Variants in UQCRFS1 observed in about 807,000 individuals in gnomAD.
UQCRFS1 encodes the protein cytochrome b-c1 complex subunit Rieske, mitochondrial.
In UQCRFS1, 6 loss-of-function variants were observed where a neutral mutation model predicts 15.6. That is an observed-to-expected ratio of 0.38 (90% CI 0.21 to 0.76). The LOEUF (loss-of-function observed/expected upper bound fraction) is 0.76. Ranked by LOEUF, UQCRFS1 falls within the 30% of genes least tolerant of loss-of-function variation. The probability of loss-of-function intolerance (pLI) is 0.44; values close to 1 mark genes in which losing one functional copy is unlikely to be tolerated. For synonymous variants in UQCRFS1, 105 were observed against 154.3 expected, an observed-to-expected ratio of 0.68 and a Z score of 2.37; for missense variants, 203 against 366.7, an observed-to-expected ratio of 0.55 and a Z score of 3.65.
intron 1 of UQCRFS1, 105 bp from the exon 2 acceptor site, chr19:29,208,263 T>C: frequency 7.0e-7 from 1 of 1,432,362 alleles, no homozygotes; most frequent in Non-Finnish European, 9.2e-7. Context: ...AAAATCAAAT[T>C]CTAAAAATGT....
In UQCRFS1 at chr19:29,205,422, T is replaced by G. The variant is rs1976583760; in HGVS notation, c.*2126A>C. Reference sequence around the variant, plus strand: ...AAAATGAGGGTACTAAAGCACATTTTGATCCAGTCAGGACAAATGCCCTCT... The same window carrying G: ...AAAATGAGGGTACTAAAGCACATTTGGATCCAGTCAGGACAAATGCCCTCT... On this transcript the variant is annotated 3_prime_UTR_variant, in exon 2 of 2. Coordinates refer to ENST00000304863, the MANE Select transcript of UQCRFS1 (RefSeq NM_006003.3). 6.6e-6 allele frequency: 1 copy of G among 152,240 alleles called. No homozygotes were observed. The highest frequency in any genetic ancestry group is 2.1e-4 in the South Asian group (1 of 4,828). The allele number at this position is 152,240 out of a possible 1,614,324, so 9.4% of individuals were successfully genotyped here. A position where few individuals can be genotyped will look rare whatever the true frequency, so the allele number is the denominator to read the frequency against.
chr19:29,212,624 A>T (rs1976668725), intron 1 of UQCRFS1, among the ~76,000 whole-genome samples: 1 of 152,170 alleles, frequency 6.6e-6, no homozygotes, highest in African/African-American at 2.4e-5. Flanking sequence ...AGGTCAAACG[A>T]CCTGCAAGCA....
At chr19:29,210,807 C>T (rs1169060264) in intron 1 of UQCRFS1, among the ~76,000 whole-genome samples, 1 of 152,088 alleles carries the variant, frequency 6.6e-6, no homozygotes, top group Non-Finnish European at 1.5e-5. Flanking sequence ...GTGAATAGTG[C>T]CCCAATAAAC....
intron 1 of UQCRFS1, among the ~76,000 whole-genome samples, chr19:29,209,297 CTT>C (rs1189955541): frequency 6.6e-6 from 1 of 152,136 alleles, no homozygotes; most frequent in Non-Finnish European, 1.5e-5. Context: ...AAAAATTCCT[CTT>C]TTAGAAAATG....
At chr19:29,212,375 GTTTT>G (rs560671922) in intron 1 of UQCRFS1, among the ~76,000 whole-genome samples, 1 of 101,778 alleles carries the variant, frequency 9.8e-6, no homozygotes, top group African/African-American at 2.9e-5. Context: ...CCTTGTGTAT[GTTTT>G]TTTTGTTTTT....
In UQCRFS1 at chr19:29,208,171, C is replaced by G. The variant is rs1568344757; in HGVS notation, c.215-13G>C. 1 of 1,594,442 alleles carries G rather than the reference C, an allele frequency of 6.3e-7. No homozygotes were observed. Among genetic ancestry groups the G allele is most frequent in the Admixed American group, 1.8e-5 (1 of 56,524 alleles). On this transcript the variant is annotated splice_polypyrimidine_tract_variant and intron_variant, in intron 1 of 1. Transcript: ENST00000304863. The stretch of plus-strand genomic sequence containing the variant: ...ACAGAAGCAGGGACTGCAAGACAAA[C>G]AGAAGGTTAAAAAACACAATTAGAT...
intron 1 of UQCRFS1, 78 bp downstream of exon 1, chr19:29,212,827 G>A (rs1976673688): frequency 2.3e-6 from 3 of 1,312,978 alleles, no homozygotes; most frequent in South Asian, 2.0e-5. Flanking sequence ...GCGCGCCCGC[G>A]GCCGCTCCCT....
At chr19:29,211,373 GCTATT>G (rs1976645510) in intron 1 of UQCRFS1, among the ~76,000 whole-genome samples, 1 of 152,126 alleles carries the variant, frequency 6.6e-6, no homozygotes, top group African/African-American at 2.4e-5. Flanking sequence ...CTTTTCTTTT[GCTATT>G]GAAATGTTCT....
Position 29,213,069 on chromosome 19 carries a change from G to A in UQCRFS1, c.50C>T (p.Ala17Val). 7 of 1,473,202 alleles carry A rather than the reference G, an allele frequency of 4.8e-6. No individual in the cohort carries two copies. Among genetic ancestry groups the A allele is most frequent in the Non-Finnish European group, 5.3e-6 (6 of 1,123,654 alleles). 91.3% of individuals were successfully genotyped at this position (1,473,202 alleles called of 1,614,324 possible). The change falls in exon 1 of 2, where the codon GCC becomes GTC. Residue 17 changes from alanine (A) to valine (V), a missense_variant. By Grantham distance (64) the Ala-to-Val change is moderately conservative (BLOSUM62 0). Around this residue, in one of 3 missense-constraint regions of UQCRFS1, gnomAD observed 20 missense variants for 59.3 expected, o/e 0.34. Transcript: ENST00000304863. ...RSGPFAPVLS[A>V]TSRGVAGALR... Reference sequence around the variant, plus strand: ...CGCGCCCGCCACCCCGCGGGACGTGGCCGACAGGACGGGCGCGAACGGGCC... The same window carrying A: ...CGCGCCCGCCACCCCGCGGGACGTGACCGACAGGACGGGCGCGAACGGGCC...
At chr19:29,212,042 T>G (rs1976658285) in intron 1 of UQCRFS1, among the ~76,000 whole-genome samples, 1 of 152,204 alleles carries the variant, frequency 6.6e-6, no homozygotes, top group Non-Finnish European at 1.5e-5. Context: ...TCTTCCCAGT[T>G]TTTTTGAAAA....
At position 29,207,330 on chromosome 19, in the gene UQCRFS1, G is replaced by A. The variant is rs1006674185; in HGVS notation, c.*218C>T. Reference sequence around the variant, plus strand: ...CTAAAAGACATTGTACCTTTCGCGTGTATGACTGAGCATAACAGTGCTTAA... The same window carrying A: ...CTAAAAGACATTGTACCTTTCGCGTATATGACTGAGCATAACAGTGCTTAA... On this transcript the variant is annotated 3_prime_UTR_variant, in exon 2 of 2. Transcript: ENST00000304863. The A allele has an allele frequency of 8.9e-6, 5 of 562,350 alleles. No homozygotes were observed. The highest frequency in any genetic ancestry group is 3.2e-5 in the East Asian group (1 of 31,328). 34.8% of individuals were successfully genotyped at this position (562,350 alleles called of 1,614,324 possible).
rs1415672225 is a variant in UQCRFS1 at position 29,205,675 on chromosome 19, T to C, written c.*1873A>G. ...TCAGGGTGCTAGCTGGTCAGGTTTA[T>C]TCTGTAAGTAATTTTCTCCTACTAT... On this transcript the variant is annotated 3_prime_UTR_variant, in exon 2 of 2. Coordinates refer to ENST00000304863, the MANE Select transcript of UQCRFS1 (RefSeq NM_006003.3). The C allele has an allele frequency of 6.6e-6, 1 of 152,262 alleles. No homozygotes were observed. The highest frequency in any genetic ancestry group is 2.4e-5 in the African/African-American group (1 of 41,470). 9.4% of individuals were successfully genotyped at this position (152,262 alleles called of 1,614,324 possible). A position where few individuals can be genotyped will look rare whatever the true frequency, so the allele number is the denominator to read the frequency against.
rs940343545 is a variant in UQCRFS1 at position 29,205,364 on chromosome 19, T to C, written c.*2184A>G. ...TACTGTGAGAATGAAGAATTACTTC[T>C]GATATTTAAATAGTATGTTCCTACA... is the stretch of plus-strand genomic sequence containing the variant. On this transcript the variant is annotated 3_prime_UTR_variant, in exon 2 of 2. Transcript: ENST00000304863. The C allele has an allele frequency of 1.2e-4, 19 of 152,230 alleles. No individual in the cohort carries two copies. The highest frequency in any genetic ancestry group is 4.6e-4 in the African/African-American group (19 of 41,462). 9.4% of individuals were successfully genotyped at this position (152,230 alleles called of 1,614,324 possible).
In UQCRFS1 at chr19:29,205,331, A is replaced by G. The variant is rs1976582807; in HGVS notation, c.*2217T>C. On this transcript the variant is annotated 3_prime_UTR_variant, in exon 2 of 2. Coordinates refer to ENST00000304863, the MANE Select transcript of UQCRFS1 (RefSeq NM_006003.3). ...AAACGACATGAAAATACAGAAAATG[A>G]AATTTAGTACTGTGAGAATGAAGAA... The G allele has an allele frequency of 6.6e-6, 1 of 152,248 alleles. No individual in the cohort carries two copies. Among genetic ancestry groups the G allele is most frequent in the African/African-American group, 2.4e-5 (1 of 41,466 alleles). The allele number at this position is 152,248 out of a possible 1,614,324, so 9.4% of individuals were successfully genotyped here.
chr19:29,209,010 G>T (rs945445873), intron 1 of UQCRFS1, among the ~76,000 whole-genome samples: 1 of 152,062 alleles, frequency 6.6e-6, no homozygotes, highest in Non-Finnish European at 1.5e-5. Context: ...CTCAACTGGG[G>T]CACTTCTAGT....
Position 29,207,275 on chromosome 19 carries a change from C to T in UQCRFS1, c.*273G>A, listed in dbSNP as rs1349260934. On this transcript the variant is annotated 3_prime_UTR_variant, in exon 2 of 2. Coordinates refer to ENST00000304863, the MANE Select transcript of UQCRFS1 (RefSeq NM_006003.3). ...TTACAGATTTCACAAGTATCTTGTA[C>T]ACCAGTCTGTAATTTTTAATTAGAA... The T allele has an allele frequency of 6.0e-6, 2 of 330,710 alleles. No individual in the cohort carries two copies. Among genetic ancestry groups the T allele is most frequent in the African/African-American group, 2.1e-5 (1 of 46,738 alleles). The allele number at this position is 330,710 out of a possible 1,614,324, so 20.5% of individuals were successfully genotyped here. A position where few individuals can be genotyped will look rare whatever the true frequency, so the allele number is the denominator to read the frequency against.
chr19:29,206,196 T>C lies in UQCRFS1; in HGVS notation c.*1352A>G, dbSNP rs1976592906. 6.9e-6 allele frequency: 1 copy of C among 144,816 alleles called. No individual in the cohort carries two copies. Among genetic ancestry groups the C allele is most frequent in the South Asian group, 2.3e-4 (1 of 4,310 alleles). The allele number at this position is 144,816 out of a possible 1,614,324, so 9.0% of individuals were successfully genotyped here. On this transcript the variant is annotated 3_prime_UTR_variant, in exon 2 of 2. Coordinates refer to ENST00000304863, the MANE Select transcript of UQCRFS1 (RefSeq NM_006003.3). The stretch of plus-strand genomic sequence containing the variant: ...CTATCTAGAGACACAGAATATAAAA[T>C]ACTTCTGTGTCCCACCAATTATCAC...
Position 29,213,017 on chromosome 19 carries a change from C to T in UQCRFS1, c.102G>A (p.Val34=). The change falls in exon 1 of 2, where the codon GTG becomes GTA. Residue 34 remains valine, a synonymous_variant. Coordinates refer to ENST00000304863, the MANE Select transcript of UQCRFS1 (RefSeq NM_006003.3). ...ACACAGGCTGCTCCGGGGTGGCGGG[C>T]ACCGTGGCCTGCACCAAGGGCCGCA... ...GALRPLVQAT[V]PATPEQPVLD... The T allele has an allele frequency of 7.1e-7, 1 of 1,413,578 alleles. No homozygotes were observed. Among genetic ancestry groups the T allele is most frequent in the South Asian group, 1.5e-5 (1 of 65,304 alleles). The allele number at this position is 1,413,578 out of a possible 1,614,324, so 87.6% of individuals were successfully genotyped here. A position where few individuals can be genotyped will look rare whatever the true frequency, so the allele number is the denominator to read the frequency against.
In UQCRFS1 at chr19:29,207,682, A is replaced by G. The variant is rs1257284920; in HGVS notation, c.691T>C (p.Phe231Leu). The G allele has an allele frequency of 1.2e-6, 2 of 1,613,850 alleles. No individual in the cohort carries two copies. The highest frequency in any genetic ancestry group is 3.3e-5 in the Admixed American group (2 of 60,004). Residue 231 changes from phenylalanine (F) to leucine (L), a missense_variant, in exon 2 of 2, where the codon TTT (phenylalanine) becomes CTT (leucine). By Grantham distance (22) the Phe-to-Leu change is conservative. This residue lies in a region of UQCRFS1 where 91 missense variants were observed against 186.9 expected (regional missense o/e 0.49). Transcript: ENST00000304863. Reference sequence around the variant, plus strand: ...TGGCAAGGGCAGTAATAACCACCAAAATCTCCTGCATTTGCAATGGGTACA... The same window carrying G: ...TGGCAAGGGCAGTAATAACCACCAAGATCTCCTGCATTTGCAATGGGTACA... ...GCVPIANAGD[F>L]GGYYCPCHGS... is the part of the protein sequence containing the mutation.
Sources: gnomAD v4.1 joint callset for allele counts (sites outside exome capture counted in the v4.1 genomes callset) on GRCh38, gnomAD v4.1.1 for gene constraint, gnomAD v4.1.1 regional missense constraint, MANE v1.5 for transcripts, NCBI Gene and HGNC (gene_info 2026-07-23, HGNC 2026-07-21) for gene names.